Variants in RSRC1 observed in about 807,000 individuals in gnomAD.
The protein encoded by RSRC1 is serine/Arginine-related protein 53.
Under a neutral mutation model 49.1 loss-of-function variants are expected in RSRC1, and 39 were observed. The ratio of observed to expected loss-of-function variants is 0.79; its 90% CI spans 0.61 to 1.04. The LOEUF (loss-of-function observed/expected upper bound fraction) is 1.04, where lower values mean the gene tolerates loss of function less well. Ranked by LOEUF, RSRC1 falls within the 50% of genes least tolerant of loss-of-function variation. The pLI is 0.00. For synonymous variants in RSRC1, 143 were observed against 130.8 expected (o/e 1.09, Z -0.63); for missense variants, 388 against 402.4 (o/e 0.96, Z 0.31).
chr3:158,277,427 T>A (rs552506594), intron 4 of RSRC1, among the ~76,000 whole-genome samples: 43 of 152,346 alleles, frequency 2.8e-4, no homozygotes, highest in Non-Finnish European at 5.9e-4. Context: ...TTCTTGATTT[T>A]TGTCTTTTAG....
intron 4 of RSRC1, among the ~76,000 whole-genome samples, chr3:158,204,684 T>C (rs1645546423): frequency 6.6e-6 from 1 of 152,196 alleles, no homozygotes; most frequent in Non-Finnish European, 1.5e-5. Context: ...AACTTGTCAA[T>C]CAAGGAACTG....
At chr3:158,211,818 T>G (rs1721694675) in intron 4 of RSRC1, among the ~76,000 whole-genome samples, 1 of 85,650 alleles carries the variant, frequency 1.2e-5, no homozygotes, top group African/African-American at 3.9e-5. Flanking sequence ...GCTCAATAAA[T>G]GGTCATCATT....
chr3:158,483,553 C>T (rs953534264), intron 7 of RSRC1, among the ~76,000 whole-genome samples: 1 of 151,966 alleles, frequency 6.6e-6, no homozygotes, highest in African/African-American at 2.4e-5. Context: ...GTGTGACAGT[C>T]TGAGATTTGT....
chr3:158,430,512 A>C (rs1167923692), intron 6 of RSRC1, among the ~76,000 whole-genome samples: 1 of 151,888 alleles, frequency 6.6e-6, no homozygotes, highest in Admixed American at 6.6e-5. Flanking sequence ...AGAAAGGGGA[A>C]ACTGGTGTCC....
chr3:158,146,862 G>A (rs1717161790), intron 3 of RSRC1, among the ~76,000 whole-genome samples: 1 of 152,048 alleles, frequency 6.6e-6, no homozygotes, highest in African/African-American at 2.4e-5. Context: ...TCTTGGGAGG[G>A]TGTATGTGTC....
chr3:158,498,859 T>C (rs1005790558), intron 7 of RSRC1, among the ~76,000 whole-genome samples: 2 of 152,192 alleles, frequency 1.3e-5, no homozygotes, highest in Non-Finnish European at 2.9e-5. Context: ...TTGTTTGCTT[T>C]GTCGAAGATC....
intron 3 of RSRC1, among the ~76,000 whole-genome samples, chr3:158,164,417 T>C (rs1159339396): frequency 6.6e-6 from 1 of 152,066 alleles, no homozygotes. Context: ...ATATTAAGAA[T>C]ACTTTTTGTG....
At chr3:158,452,436 T>C (rs1188905552) in intron 6 of RSRC1, among the ~76,000 whole-genome samples, 1 of 152,166 alleles carries the variant, frequency 6.6e-6, no homozygotes, top group East Asian at 1.9e-4. Context: ...TGTCAGAAAA[T>C]GTTCTTACAT....
intron 4 of RSRC1, among the ~76,000 whole-genome samples, chr3:158,253,202 T>A (rs1724326024): frequency 6.6e-6 from 1 of 152,090 alleles, no homozygotes; most frequent in Non-Finnish European, 1.5e-5. Flanking sequence ...ATGTAGATTC[T>A]TATTCCTGTA....
intron 7 of RSRC1, among the ~76,000 whole-genome samples, chr3:158,501,509 A>T (rs920955177): frequency 6.6e-6 from 1 of 151,992 alleles, no homozygotes; most frequent in African/African-American, 2.4e-5. Context: ...TCTTAGATCT[A>T]TTAGTAATTG....
intron 4 of RSRC1, among the ~76,000 whole-genome samples, chr3:158,207,670 G>GATAGATAGATAGAT (rs1559943262): frequency 5.8e-4 from 39 of 67,158 alleles, no homozygotes; most frequent in African/African-American, 1.6e-4. Flanking sequence ...GATAGACAGA[G>GATAGATAGATAGAT]AGACAGACAG....
At chr3:158,360,795 G>C (rs1019283423) in intron 6 of RSRC1, among the ~76,000 whole-genome samples, 1 of 152,214 alleles carries the variant, frequency 6.6e-6, no homozygotes, top group Non-Finnish European at 1.5e-5. Context: ...CAAGGCGGAG[G>C]TCTTCCTGAG....
In RSRC1 at chr3:158,114,483, C is replaced by CT. The variant is rs571395701; in HGVS notation, c.-3+4266dup. On this transcript the variant is annotated intron_variant, in intron 1 of 9. Coordinates refer to ENST00000611884, the MANE Select transcript of RSRC1 (RefSeq NM_001271838.2). ...AAGGATTGTCTTGGCTATATGGGCT[C>CT]TTTTTTGGTTCCATATGAATTTTGA... Among the ~76,000 whole-genome samples, 67 of 152,056 alleles carry CT rather than the reference C, an allele frequency of 4.4e-4. 1 individual carries two copies. The South Asian group carries it at 0.011, about 24-fold the overall frequency.
At chr3:158,135,133 G>A (rs73164079) in intron 3 of RSRC1, among the ~76,000 whole-genome samples, 6,402 of 152,110 alleles carry the variant, frequency 0.042, 188 homozygotes, top group Middle Eastern at 0.13. Flanking sequence ...CCAAAATACC[G>A]TACCAGCTAA....
intron 3 of RSRC1, among the ~76,000 whole-genome samples, chr3:158,166,863 A>T (rs1442251981): frequency 8.5e-5 from 13 of 152,198 alleles, no homozygotes; most frequent in African/African-American, 2.9e-4. Context: ...GAAAGAGGAA[A>T]CGTGAAACTA....
At chr3:158,250,461 A>G (rs1318529018) in intron 4 of RSRC1, among the ~76,000 whole-genome samples, 1 of 152,184 alleles carries the variant, frequency 6.6e-6, no homozygotes, top group Non-Finnish European at 1.5e-5. Flanking sequence ...TTTTCTTCAC[A>G]TACTCACCAG....
chr3:158,357,489 C>A (rs1447267886), intron 6 of RSRC1, among the ~76,000 whole-genome samples: 1 of 151,990 alleles, frequency 6.6e-6, no homozygotes, highest in Non-Finnish European at 1.5e-5. Context: ...ACATATTACA[C>A]CTTTTTGAAA....
chr3:158,243,508 A>G (rs1008032735), intron 4 of RSRC1, among the ~76,000 whole-genome samples: 21 of 152,198 alleles, frequency 1.4e-4, no homozygotes, highest in Non-Finnish European at 4.4e-5. Context: ...CTTTTTGCTT[A>G]GGATTGCCTT....
In RSRC1 at chr3:158,117,440, G is replaced by A. The variant is rs529881474; in HGVS notation, c.-2-4663G>A. On this transcript the variant is annotated intron_variant, in intron 1 of 9. Coordinates refer to ENST00000611884, the MANE Select transcript of RSRC1 (RefSeq NM_001271838.2). ...GCCCCCTCAAGTAGCTGGGACTACA[G>A]GTGTGCACCACCATGCTCAGCTGAT... Among the ~76,000 whole-genome samples, 12 of 152,256 alleles carry A rather than the reference G, an allele frequency of 7.9e-5. No individual in the cohort carries two copies. In the East Asian group the frequency reaches 1.9e-3, roughly 24 times the overall value.
Sources: gnomAD v4.1 joint callset for allele counts (sites outside exome capture counted in the v4.1 genomes callset) on GRCh38, gnomAD v4.1.1 for gene constraint, MANE v1.5 for transcripts, NCBI Gene and HGNC (gene_info 2026-07-23, HGNC 2026-07-21) for gene names.